PTPRT: variants seen among roughly 807,000 people sequenced by gnomAD.
PTPRT encodes protein tyrosine phosphatase receptor type T.
A neutral mutation model predicts 176.8 loss-of-function variants in PTPRT; 56 were observed. The observed-to-expected ratio is 0.32, with a 90% CI of 0.26 to 0.40. PTPRT has a LOEUF of 0.40. Ranked by LOEUF, PTPRT falls within the 10% of genes least tolerant of loss-of-function variation. The pLI is 1.00. For missense variants in PTPRT, 1,540 were observed against 1,908.2 expected, an observed-to-expected ratio of 0.81 and a Z score of 3.60; for synonymous variants, 783 against 739.0, an observed-to-expected ratio of 1.06 and a Z score of -0.96.
intron 8 of PTPRT, among the ~76,000 whole-genome samples, chr20:42,470,278 A>T (rs1002875660): frequency 6.6e-6 from 1 of 152,176 alleles, no homozygotes; most frequent in Admixed American, 6.5e-5. Context: ...CCCAGACCCT[A>T]ACTGTTGGCT....
intron 7 of PTPRT, among the ~76,000 whole-genome samples, chr20:42,524,906 T>C (rs2072242163): frequency 6.6e-6 from 1 of 152,224 alleles, no homozygotes. Flanking sequence ...ATAATATGTC[T>C]GCTGAGTTTG....
At chr20:42,052,016 G>A in the PTPRT span, among the ~76,000 whole-genome samples, 1 of 152,180 alleles carries the variant, frequency 6.6e-6, no homozygotes, top group Non-Finnish European at 1.5e-5. Context: ...GTGTTTGTGT[G>A]GGTTTCAAAT....
intron 16 of PTPRT, among the ~76,000 whole-genome samples, chr20:42,182,199 G>A (rs564194201): frequency 7.7e-4 from 118 of 152,286 alleles, no homozygotes; most frequent in African/African-American, 2.7e-3. Context: ...TGTAGGCCAC[G>A]AGGTTAATTT....
At chr20:42,529,778 C>G (rs970186428) in intron 7 of PTPRT, among the ~76,000 whole-genome samples, 1 of 150,422 alleles carries the variant, frequency 6.6e-6, no homozygotes, top group Non-Finnish European at 1.5e-5. Context: ...TGAGCCACTA[C>G]GCCTGGCCTC....
Position 42,834,445 on chromosome 20 carries a change from A to G in PTPRT, c.215-42979T>C, listed in dbSNP as rs138915883. Among the ~76,000 whole-genome samples, 146 of 152,304 alleles carry G rather than the reference A, an allele frequency of 9.6e-4. 2 individuals carry two copies. Among genetic ancestry groups the G allele is most frequent in the African/African-American group, 3.3e-3 (137 of 41,568 alleles). ...TATGCAAAATGGTACAACCATTTTG[A>G]AAAACAGATTGACAGTTCCTTATGA... is the stretch of plus-strand genomic sequence containing the variant. On this transcript the variant is annotated intron_variant, in intron 2 of 30. Transcript: ENST00000373187.
intron 20 of PTPRT, 72 bp downstream of exon 20, chr20:42,119,863 C>A: frequency 7.4e-7 from 1 of 1,346,992 alleles, no homozygotes. Flanking sequence ...ACAAGCCTTG[C>A]AGTTAAGAGA....
intron 1 of PTPRT, among the ~76,000 whole-genome samples, chr20:43,130,558 T>G (rs2013613259): frequency 6.6e-6 from 1 of 152,108 alleles, no homozygotes; most frequent in East Asian, 1.9e-4. Context: ...TTCAATCCTG[T>G]TCACAGAAGA....
At chr20:42,507,523 T>C (rs1362926776) in intron 7 of PTPRT, among the ~76,000 whole-genome samples, 3 of 152,108 alleles carry the variant, frequency 2.0e-5, no homozygotes, top group Non-Finnish European at 4.4e-5. Context: ...GTATTTAGCA[T>C]CTCTGAGCCC....
chr20:42,198,768 T>C (rs1220293002), intron 16 of PTPRT, among the ~76,000 whole-genome samples: 2 of 152,222 alleles, frequency 1.3e-5, no homozygotes, highest in Non-Finnish European at 2.9e-5. Flanking sequence ...TCAGCCATTG[T>C]ATTTTAGATA....
At chr20:42,198,746 A>C (rs887639501) in intron 16 of PTPRT, among the ~76,000 whole-genome samples, 1 of 152,270 alleles carries the variant, frequency 6.6e-6, no homozygotes, top group Non-Finnish European at 1.5e-5. Flanking sequence ...TCCAATCTAA[A>C]TATGTAACTC....
rs549961920 is a variant in PTPRT, at chr20:42,166,934, AAG to A, written c.2492-5394_2492-5393del. On this transcript the variant is annotated intron_variant, in intron 16 of 30. Transcript: ENST00000373187. The stretch of plus-strand genomic sequence containing the variant: ...AAGACTCCATCTTAGAAAAAAAAAA[AAG>A]GGGGGTCTGTTCATGTTGCATGAGG... Among the ~76,000 whole-genome samples, 525 of 152,036 alleles carry A rather than the reference AAG, an allele frequency of 3.5e-3. 4 individuals are homozygous for A. The highest frequency in any genetic ancestry group is 0.012 in the African/African-American group (503 of 41,474).
chr20:42,879,090 G>A (rs1208081791), intron 2 of PTPRT, among the ~76,000 whole-genome samples: 1 of 152,134 alleles, frequency 6.6e-6, no homozygotes, highest in African/African-American at 2.4e-5. Flanking sequence ...TACAGAGCTC[G>A]TGTGGAAAAG....
chr20:42,563,665 A>T (rs1046567921), intron 7 of PTPRT, among the ~76,000 whole-genome samples: 1 of 152,208 alleles, frequency 6.6e-6, no homozygotes, highest in Non-Finnish European at 1.5e-5. Context: ...ATATGCAGCC[A>T]TTAAGGTGAT....
chr20:42,372,175 G>A (rs917241251), intron 9 of PTPRT, among the ~76,000 whole-genome samples: 2 of 151,892 alleles, frequency 1.3e-5, no homozygotes, highest in Non-Finnish European at 2.9e-5. Flanking sequence ...ATGTTTCCAA[G>A]TGAAGGGAGA....
At chr20:43,115,316 G>A (rs115135591) in intron 1 of PTPRT, among the ~76,000 whole-genome samples, 168 of 152,290 alleles carry the variant, frequency 1.1e-3, no homozygotes, top group African/African-American at 3.8e-3. Flanking sequence ...GGGGAGCAAG[G>A]TCTTCCCATG....
intron 2 of PTPRT, among the ~76,000 whole-genome samples, chr20:42,861,644 G>A (rs932712831): frequency 2.6e-5 from 4 of 151,970 alleles, no homozygotes; most frequent in African/African-American, 7.3e-5. Flanking sequence ...TGAATAAAAT[G>A]CCAAATATTA....
intron 7 of PTPRT, among the ~76,000 whole-genome samples, chr20:42,591,997 T>G (rs2073584487): frequency 7.2e-6 from 1 of 139,628 alleles, no homozygotes; most frequent in South Asian, 2.3e-4. Context: ...TTTTTTTTTT[T>G]GACATGGAGT....
intron 16 of PTPRT, among the ~76,000 whole-genome samples, chr20:42,187,374 C>T (rs1990822346): frequency 6.6e-6 from 1 of 152,100 alleles, no homozygotes; most frequent in South Asian, 2.1e-4. Flanking sequence ...TAGTTAAGAG[C>T]ATCTCACTAA....
chr20:42,698,162 C>T (rs756722974), intron 6 of PTPRT, among the ~76,000 whole-genome samples: 5 of 152,134 alleles, frequency 3.3e-5, no homozygotes, highest in Non-Finnish European at 7.4e-5. Flanking sequence ...GTTGGAAACC[C>T]AACAAGGTTT....
Sources: allele counts gnomAD v4.1 joint callset (sites outside exome capture counted in the v4.1 genomes callset), GRCh38; gene constraint gnomAD v4.1.1; transcripts MANE v1.5; gene names NCBI Gene and HGNC (gene_info 2026-07-23, HGNC 2026-07-21).